The following RNF152 variants were observed in gnomAD, a reference collection of about 807,000 sequenced individuals.
RNF152 encodes E3 ubiquitin-protein ligase RNF152.
A neutral mutation model predicts 12.7 loss-of-function variants in RNF152; 11 were observed. That is an observed-to-expected ratio of 0.86 (90% CI 0.54 to 1.43). The LOEUF (loss-of-function observed/expected upper bound fraction) is 1.43, where lower values mean the gene tolerates loss of function less well. RNF152 is among the 40% of genes most tolerant of loss of function. RNF152 has a pLI of 0.00. For missense variants in RNF152, 255 were observed against 274.8 expected (o/e 0.93, Z 0.51); for synonymous variants, 113 against 120.3 (o/e 0.94, Z 0.40).
chr18:61,841,167 T>C (rs1233544051), intron 1 of RNF152, among the ~76,000 whole-genome samples: 1 of 152,224 alleles, frequency 6.6e-6, no homozygotes, highest in Non-Finnish European at 1.5e-5. Context: ...GTTCCATACA[T>C]GATAGAAGTT....
At position 61,815,998 on chromosome 18, in the gene RNF152, C is replaced by A. The variant is rs1420610947; in HGVS notation, c.466G>T (p.Asp156Tyr). Reference protein sequence around the residue: ...APQEAVEEEQDRRGVVKSSTW... With the variant: ...APQEAVEEEQYRRGVVKSSTW... Reference sequence around the variant, plus strand: ...GAGCTTTTCACCACGCCCCGCCTGTCCTGCTCCTCCTCCACCGCCTCCTGG... The same window carrying A: ...GAGCTTTTCACCACGCCCCGCCTGTACTGCTCCTCCTCCACCGCCTCCTGG... The change falls in exon 2 of 2, where the codon GAC (aspartate) becomes TAC (tyrosine). Residue 156 changes from aspartate to tyrosine, a missense_variant. Asp to Tyr is a radical substitution (Grantham distance 160, BLOSUM62 -3). Transcript: ENST00000312828. 6.2e-7 allele frequency: 1 copy of A among 1,614,240 alleles called. No individual in the cohort carries two copies. Among genetic ancestry groups the A allele is most frequent in the Non-Finnish European group, 8.5e-7 (1 of 1,180,048 alleles).
At chr18:61,882,646 T>C (rs1213304047) in intron 1 of RNF152, among the ~76,000 whole-genome samples, 1 of 152,206 alleles carries the variant, frequency 6.6e-6, no homozygotes, top group Non-Finnish European at 1.5e-5. Flanking sequence ...AAGGGCCTTA[T>C]CAGTCTCCAT....
At chr18:61,850,638 G>C (rs140707726) in intron 1 of RNF152, among the ~76,000 whole-genome samples, 1 of 152,098 alleles carries the variant, frequency 6.6e-6, no homozygotes, top group Non-Finnish European at 1.5e-5. Flanking sequence ...GAAAAAGGAG[G>C]CTTTCAGTTT....
At chr18:61,835,742 T>C (rs1910152864) in intron 1 of RNF152, among the ~76,000 whole-genome samples, 1 of 152,158 alleles carries the variant, frequency 6.6e-6, no homozygotes, top group Admixed American at 6.5e-5. Context: ...TTTAGTGGGG[T>C]ACATCCTTTA....
intron 1 of RNF152, among the ~76,000 whole-genome samples, chr18:61,824,089 T>A (rs904285206): frequency 6.6e-6 from 1 of 152,250 alleles, no homozygotes; most frequent in African/African-American, 2.4e-5. Flanking sequence ...TCAAAGTATA[T>A]TGGAATCTAG....
At chr18:61,855,747 T>G (rs1911198839) in intron 1 of RNF152, among the ~76,000 whole-genome samples, 1 of 152,158 alleles carries the variant, frequency 6.6e-6, no homozygotes, top group Non-Finnish European at 1.5e-5. Flanking sequence ...GAATCTGGGC[T>G]GGTAGCATGA....
At chr18:61,889,122 C>T (rs186842071) in intron 1 of RNF152, among the ~76,000 whole-genome samples, 15 of 152,286 alleles carry the variant, frequency 9.8e-5, no homozygotes, top group South Asian at 4.2e-4. Flanking sequence ...CCAAGCTGCT[C>T]ATCTCCCAAT....
chr18:61,894,176 C>G (rs1278946327), upstream of RNF152: 1 of 152,102 alleles, frequency 6.6e-6, no homozygotes, highest in African/African-American at 2.4e-5. The surrounding 1 kb of genome is among the most constrained non-coding windows in gnomAD (Gnocchi z 4.9). Flanking sequence ...CTCGGGTGCT[C>G]GCTACAGAGG....
At chr18:61,820,408 T>G in intron 1 of RNF152, among the ~76,000 whole-genome samples, 1 of 151,936 alleles carries the variant, frequency 6.6e-6, no homozygotes, top group South Asian at 2.1e-4. Context: ...TAATACATTT[T>G]TTTTTCTTAA....
chr18:61,882,779 C>T (rs1001250233), intron 1 of RNF152, among the ~76,000 whole-genome samples: 2 of 152,126 alleles, frequency 1.3e-5, no homozygotes, highest in African/African-American at 4.8e-5. Flanking sequence ...CCCTTCCCAA[C>T]CCCCACTTGG....
At chr18:61,863,585 G>A (rs2144721605) in intron 1 of RNF152, among the ~76,000 whole-genome samples, 1 of 152,260 alleles carries the variant, frequency 6.6e-6, no homozygotes, top group African/African-American at 2.4e-5. Flanking sequence ...TTTCCAGGCT[G>A]GAAAAGCCAA....
chr18:61,887,134 G>A (rs1388716584), intron 1 of RNF152, among the ~76,000 whole-genome samples: 1 of 152,228 alleles, frequency 6.6e-6, no homozygotes, highest in Non-Finnish European at 1.5e-5. Context: ...AAAAGTCGAG[G>A]TTGGAAAGGA....
rs78691769 is a variant in RNF152 at position 61,870,490 on chromosome 18, C to T, written c.-136+22305G>A. On this transcript the variant is annotated intron_variant, in intron 1 of 1. Transcript: ENST00000312828. ...CCTTACCTACTAGCTTGCTGTCCCT[C>T]GAGAGAAGGCTTCAAACCCCTGCCG... Among the ~76,000 whole-genome samples the T allele has an allele frequency of 7.6e-3, 1,163 of 152,256 alleles. 15 individuals are homozygous for T. Among genetic ancestry groups the T allele is most frequent in the African/African-American group, 0.026 (1,087 of 41,532 alleles).
intron 1 of RNF152, among the ~76,000 whole-genome samples, chr18:61,839,724 T>C (rs1215829187): frequency 6.6e-6 from 1 of 152,090 alleles, no homozygotes; most frequent in Non-Finnish European, 1.5e-5. Context: ...CGACACCCTG[T>C]CTCTACTAAA....
chr18:61,827,974 A>G (rs1439872064), intron 1 of RNF152, among the ~76,000 whole-genome samples: 2 of 152,242 alleles, frequency 1.3e-5, no homozygotes. Context: ...CTAACAAAAA[A>G]TCCAGATTTC....
At chr18:61,864,125 G>A (rs1911625036) in intron 1 of RNF152, among the ~76,000 whole-genome samples, 1 of 152,006 alleles carries the variant, frequency 6.6e-6, no homozygotes, top group Middle Eastern at 3.2e-3. Context: ...ACAACAATCG[G>A]GTGTCCCAGA....
intron 1 of RNF152, among the ~76,000 whole-genome samples, chr18:61,866,063 G>C (rs182929948): frequency 1.3e-5 from 2 of 152,252 alleles, no homozygotes; most frequent in Admixed American, 1.3e-4. Context: ...TGTCTGCGTG[G>C]AGGAACAGGC....
intron 1 of RNF152, among the ~76,000 whole-genome samples, chr18:61,822,245 A>G (rs1022310563): frequency 6.6e-6 from 1 of 152,182 alleles, no homozygotes; most frequent in Admixed American, 6.5e-5. Flanking sequence ...ATGGCTCCCA[A>G]GATAGAACTT....
At chr18:61,862,646 C>A (rs1176826936) in intron 1 of RNF152, among the ~76,000 whole-genome samples, 2 of 152,228 alleles carry the variant, frequency 1.3e-5, no homozygotes, top group African/African-American at 4.8e-5. Context: ...AAGCTCCACA[C>A]CCTGTCCCCC....
Sources: allele counts gnomAD v4.1 joint callset (sites outside exome capture counted in the v4.1 genomes callset), GRCh38; gene constraint gnomAD v4.1.1; non-coding constraint Gnocchi (gnomAD v3.1); transcripts MANE v1.5; gene names NCBI Gene and HGNC (gene_info 2026-07-23, HGNC 2026-07-21).